LRRC1: variants seen among roughly 807,000 people sequenced by gnomAD.
The protein encoded by LRRC1 is leucine rich repeat containing 1.
In LRRC1, 28 loss-of-function variants were observed where a neutral mutation model predicts 69.9. That is an observed-to-expected ratio of 0.40 (90% CI 0.30 to 0.55). The LOEUF (loss-of-function observed/expected upper bound fraction) is 0.55, where lower values mean the gene tolerates loss of function less well. LRRC1 is among the 20% of genes least tolerant of loss of function. The probability of loss-of-function intolerance (pLI) is 0.47; values close to 1 mark genes in which losing one functional copy is unlikely to be tolerated. For synonymous variants in LRRC1, 236 were observed against 240.2 expected (o/e 0.98, Z 0.16); for missense variants, 498 against 609.0 (o/e 0.82, Z 1.92).
intron 4 of LRRC1, among the ~76,000 whole-genome samples, chr6:53,892,243 G>A (rs534697762): frequency 3.9e-5 from 6 of 151,950 alleles, no homozygotes; most frequent in Non-Finnish European, 7.4e-5. Flanking sequence ...TTTCTCATCC[G>A]ATAAGTTAAT....
chr6:53,795,355 CT>C lies in LRRC1; in HGVS notation c.100del (p.Tyr34MetfsTer25). On this transcript the variant is annotated frameshift_variant, in exon 1 of 14. Coordinates refer to ENST00000370888, the MANE Select transcript of LRRC1 (RefSeq NM_018214.5). LOFTEE classifies it high-confidence loss of function. ...TCTACGTCCCCGAGGAGATCTACCG[CT>C]ATGCCCGGAGCCTGGAGGAGCTGCT... ...LVYVPEEIYR[Y>X]ARSLEELLLD... 1 of 1,613,882 alleles carries C rather than the reference CT, an allele frequency of 6.2e-7. No individual in the cohort carries two copies. Among genetic ancestry groups the C allele is most frequent in the South Asian group, 1.1e-5 (1 of 91,084 alleles).
chr6:53,804,055 GAATA>G (rs1483273325), intron 1 of LRRC1, among the ~76,000 whole-genome samples: 1 of 152,164 alleles, frequency 6.6e-6, no homozygotes, highest in Non-Finnish European at 1.5e-5. Flanking sequence ...GGAAGATGCT[GAATA>G]AATGCCTTTG....
chr6:53,854,005 C>T (rs1766230163), intron 2 of LRRC1, among the ~76,000 whole-genome samples: 1 of 152,170 alleles, frequency 6.6e-6, no homozygotes, highest in South Asian at 2.1e-4. Flanking sequence ...TACCTAGTTC[C>T]ATTAGCATTC....
intron 2 of LRRC1, among the ~76,000 whole-genome samples, chr6:53,865,905 A>G (rs1766688153): frequency 6.6e-6 from 1 of 151,914 alleles, no homozygotes; most frequent in South Asian, 2.1e-4. Flanking sequence ...TATTTTTAGT[A>G]GAGATGGGGT....
chr6:53,866,609 G>T (rs1482968293), intron 2 of LRRC1, among the ~76,000 whole-genome samples: 2 of 152,096 alleles, frequency 1.3e-5, no homozygotes, highest in South Asian at 2.1e-4. Context: ...TCATTATTTG[G>T]GGGGGATTCA....
rs1554187430 is a variant in LRRC1, at chr6:53,919,490, A to AC, written c.1107-8_1107-7insC. 2.6e-5 allele frequency: 39 copies of AC among 1,514,854 alleles called. No homozygotes were observed. In the East Asian group the frequency reaches 4.1e-4, roughly 16 times the overall value. 93.8% of individuals were successfully genotyped at this position (1,514,854 alleles called of 1,614,324 possible). A position where few individuals can be genotyped will look rare whatever the true frequency, so the allele number is the denominator to read the frequency against. On this transcript the variant is annotated splice_polypyrimidine_tract_variant and splice_region_variant and intron_variant, in intron 11 of 13. Transcript: ENST00000370888. ...TGTCTCTTTTTTTAAAAAAAAAAAAAAAAACAGGTTGCTGCATCTACCTTT... is the reference window on the plus strand; with the variant it reads ...TGTCTCTTTTTTTAAAAAAAAAAAAACAAAACAGGTTGCTGCATCTACCTTT...
chr6:53,820,615 C>T (rs1012742961), intron 1 of LRRC1, among the ~76,000 whole-genome samples: 1 of 151,664 alleles, frequency 6.6e-6, no homozygotes, highest in African/African-American at 2.4e-5. Context: ...TTCTTCAGCC[C>T]ATGTTTCTCC....
rs1213579516 is a variant in LRRC1 at position 53,859,168 on chromosome 6, G to A, written c.277+16941G>A. On this transcript the variant is annotated intron_variant, in intron 2 of 13. Coordinates refer to ENST00000370888, the MANE Select transcript of LRRC1 (RefSeq NM_018214.5). ...CTGTAGGTTTGAAAGGGAAGATAGAGAAAAATATCTTGAAGGTCAGCACAG... is the reference window on the plus strand; with the variant it reads ...CTGTAGGTTTGAAAGGGAAGATAGAAAAAAATATCTTGAAGGTCAGCACAG... Among the ~76,000 whole-genome samples the A allele has an allele frequency of 5.3e-5, 8 of 152,298 alleles. No homozygotes were observed. The East Asian group carries it at 1.3e-3, about 26-fold the overall frequency.
intron 1 of LRRC1, among the ~76,000 whole-genome samples, chr6:53,811,499 G>T (rs1476463411): frequency 2.6e-5 from 4 of 152,212 alleles, no homozygotes; most frequent in African/African-American, 7.2e-5. Flanking sequence ...ATGGCCAAAA[G>T]GCAGGGAGCT....
At chr6:53,865,808 A>G (rs4260754) in intron 2 of LRRC1, among the ~76,000 whole-genome samples, 55,714 of 148,118 alleles carry the variant, frequency 0.38, 10,848 homozygotes, top group East Asian at 0.65. Context: ...TGCAACCTCT[A>G]CCTCCCAGGA....
chr6:53,807,239 A>C (rs533561213), intron 1 of LRRC1, among the ~76,000 whole-genome samples: 2 of 152,162 alleles, frequency 1.3e-5, no homozygotes, highest in Non-Finnish European at 2.9e-5. Flanking sequence ...AATGGGGACT[A>C]GGGATGGGTC....
intron 2 of LRRC1, among the ~76,000 whole-genome samples, chr6:53,859,721 G>A (rs1766435134): frequency 6.6e-6 from 1 of 152,132 alleles, no homozygotes; most frequent in South Asian, 2.1e-4. Flanking sequence ...AATAGGAGGG[G>A]CAGGTTGTTG....
chr6:53,913,215 A>G (rs1768466823), intron 10 of LRRC1, among the ~76,000 whole-genome samples: 1 of 152,188 alleles, frequency 6.6e-6, no homozygotes, highest in South Asian at 2.1e-4. Flanking sequence ...TACTCAGTTC[A>G]CTTTCTGTGA....
At chr6:53,834,215 C>T (rs969564399) in intron 1 of LRRC1, among the ~76,000 whole-genome samples, 8 of 152,140 alleles carry the variant, frequency 5.3e-5, no homozygotes, top group Non-Finnish European at 8.8e-5. Context: ...TATCTCTGTG[C>T]CCCTGATCCT....
chr6:53,816,415 G>A (rs2127407314), intron 1 of LRRC1, among the ~76,000 whole-genome samples: 1 of 151,604 alleles, frequency 6.6e-6, no homozygotes, highest in South Asian at 2.1e-4. Context: ...TTTAGGATTA[G>A]AATTGAAGCC....
At chr6:53,873,076 C>A (rs1766947466) in intron 2 of LRRC1, among the ~76,000 whole-genome samples, 1 of 151,754 alleles carries the variant, frequency 6.6e-6, no homozygotes, top group African/African-American at 2.4e-5. Context: ...ATTCTTCTAA[C>A]CCATAAGCAC....
chr6:53,872,413 C>CA, intron 2 of LRRC1, among the ~76,000 whole-genome samples: 1 of 152,078 alleles, frequency 6.6e-6, no homozygotes, highest in South Asian at 2.1e-4. Flanking sequence ...TTTCTGGGTT[C>CA]TCTATTCTAT....
At chr6:53,797,988 T>G (rs545438702) in intron 1 of LRRC1, among the ~76,000 whole-genome samples, 30 of 152,362 alleles carry the variant, frequency 2.0e-4, no homozygotes, top group African/African-American at 6.0e-4. Context: ...CATGTCATTA[T>G]AACTTAGCCT....
chr6:53,919,470 CTT>C (rs59246960), intron 11 of LRRC1, 26 bp from the exon 12 acceptor site: 3 of 1,204,304 alleles, frequency 2.5e-6, no homozygotes, highest in African/African-American at 3.5e-5. Flanking sequence ...TGTGATGTCT[CTT>C]TTTTTAAAAA....
Sources: allele counts gnomAD v4.1 joint callset (sites outside exome capture counted in the v4.1 genomes callset), GRCh38; gene constraint gnomAD v4.1.1; transcripts MANE v1.5; gene names NCBI Gene and HGNC (gene_info 2026-07-23, HGNC 2026-07-21).